PTPRN2: variants seen among roughly 807,000 people sequenced by gnomAD.
PTPRN2 encodes receptor-type tyrosine-protein phosphatase N2.
A neutral mutation model predicts 118.8 loss-of-function variants in PTPRN2; 74 were observed. That is an observed-to-expected ratio of 0.62 (90% CI 0.52 to 0.76). The LOEUF (loss-of-function observed/expected upper bound fraction) is 0.76, where lower values mean the gene tolerates loss of function less well. Ranked by LOEUF, PTPRN2 falls within the 30% of genes least tolerant of loss-of-function variation. The pLI, the probability that PTPRN2 is intolerant of heterozygous loss-of-function variation, is 0.00. For synonymous variants in PTPRN2, 641 were observed against 608.0 expected (o/e 1.05, Z -0.80); for missense variants, 1,481 against 1,394.4 (o/e 1.06, Z -0.99).
intron 12 of PTPRN2, among the ~76,000 whole-genome samples, chr7:157,894,336 G>A (rs528057976): frequency 4.6e-5 from 7 of 151,986 alleles, no homozygotes; most frequent in Non-Finnish European, 1.0e-4. Context: ...ATCCAAGTGT[G>A]TGGAAGCTGA....
intron 9 of PTPRN2, among the ~76,000 whole-genome samples, chr7:158,124,109 C>T (rs1817417178): frequency 6.6e-6 from 1 of 152,246 alleles, no homozygotes. Flanking sequence ...TGTTTTCCGA[C>T]CCACCAAGCC....
At chr7:157,915,034 T>C (rs1408838407) in intron 11 of PTPRN2, among the ~76,000 whole-genome samples, 2 of 152,248 alleles carry the variant, frequency 1.3e-5, no homozygotes, top group South Asian at 2.1e-4. Context: ...ACTATTGATC[T>C]GTAGGTTATA....
intron 9 of PTPRN2, among the ~76,000 whole-genome samples, chr7:158,122,951 A>G (rs1033948282): frequency 6.6e-6 from 1 of 152,134 alleles, no homozygotes; most frequent in Non-Finnish European, 1.5e-5. Flanking sequence ...AAATCAAGCC[A>G]AGAACAGGAC....
In PTPRN2 at chr7:157,603,972, C is replaced by T; in HGVS notation, c.2418+30G>A. ...GCGTCCGTGCCACCCAAGGGAAAGC[C>T]TGGGGCCCCTGTCCCGGCAGTGCAC... On this transcript the variant is annotated intron_variant, in intron 16 of 22. Coordinates refer to ENST00000389418, the MANE Select transcript of PTPRN2 (RefSeq NM_002847.5). The surrounding 1 kb of genome is among the most constrained non-coding windows in gnomAD (Gnocchi z 5.4). 6.2e-7 allele frequency: 1 copy of T among 1,607,562 alleles called. No individual in the cohort carries two copies. The highest frequency in any genetic ancestry group is 8.5e-7 in the Non-Finnish European group (1 of 1,174,594).
intron 1 of PTPRN2, among the ~76,000 whole-genome samples, chr7:158,503,107 G>T (rs1394088944): frequency 6.6e-6 from 1 of 151,288 alleles, no homozygotes; most frequent in Non-Finnish European, 1.5e-5. Flanking sequence ...CAACTACTGT[G>T]TCCATCAGCC....
rs1158812236 is a variant in PTPRN2, at chr7:157,868,706, C to G, written c.1788+29967G>C. ...TCCCTCACCCACCTGCCCACTCGCC[C>G]ATCCACTCAACAGCGGTCGTTCTTC... On this transcript the variant is annotated intron_variant, in intron 12 of 22. Transcript: ENST00000389418. The surrounding 1 kb of genome is among the most constrained non-coding windows in gnomAD (Gnocchi z 5.2). 1.3e-5 allele frequency: 2 copies of G among 152,294 alleles called. No homozygotes were observed. Among genetic ancestry groups the G allele is most frequent in the Non-Finnish European group, 2.9e-5 (2 of 68,122 alleles). 9.4% of individuals were successfully genotyped at this position (152,294 alleles called of 1,614,324 possible).
At chr7:157,588,479 G>A (rs551898684) in intron 17 of PTPRN2, among the ~76,000 whole-genome samples, 2 of 152,164 alleles carry the variant, frequency 1.3e-5, no homozygotes, top group African/African-American at 4.8e-5. Flanking sequence ...TCCTGCCTGC[G>A]GGGGCTTCTC....
rs1312851871 is a variant in PTPRN2, at chr7:157,619,872, C to T, written c.2344+1490G>A. 6.6e-5 allele frequency among the ~76,000 whole-genome samples: 10 copies of T among 152,188 alleles called. No individual in the cohort carries two copies. The highest frequency in any genetic ancestry group is 6.5e-4 in the Admixed American group (10 of 15,286). ...GGGACAGGCGGTGTCTCAGGGACACCAGTCTGATCCCTTGACCGGCTCCGA... is the reference window on the plus strand; with the variant it reads ...GGGACAGGCGGTGTCTCAGGGACACTAGTCTGATCCCTTGACCGGCTCCGA... On this transcript the variant is annotated intron_variant, in intron 15 of 22. Coordinates refer to ENST00000389418, the MANE Select transcript of PTPRN2 (RefSeq NM_002847.5). The surrounding 1 kb of genome is among the most constrained non-coding windows in gnomAD (Gnocchi z 5.3).
intron 12 of PTPRN2, among the ~76,000 whole-genome samples, chr7:157,691,501 T>C (rs745530178): frequency 2.6e-5 from 4 of 152,186 alleles, no homozygotes; most frequent in Non-Finnish European, 5.9e-5. Context: ...CTGCTCACTT[T>C]ACCAGGGTCC....
chr7:157,887,072 T>A (rs1209584451), intron 12 of PTPRN2, among the ~76,000 whole-genome samples: 1 of 147,722 alleles, frequency 6.8e-6, no homozygotes, highest in East Asian at 2.1e-4. Context: ...AGCCCACCCA[T>A]GACAGGCCTG....
intron 21 of PTPRN2, among the ~76,000 whole-genome samples, chr7:157,567,407 G>A (rs1799541953): frequency 6.6e-6 from 1 of 152,236 alleles, no homozygotes; most frequent in South Asian, 2.1e-4. Flanking sequence ...GGCGGTGTTG[G>A]GTAGGTGTGG....
intron 16 of PTPRN2, among the ~76,000 whole-genome samples, chr7:157,597,268 AC>A (rs1801398309): frequency 6.6e-6 from 1 of 152,262 alleles, no homozygotes; most frequent in African/African-American, 2.4e-5. Flanking sequence ...GAAATTCGCC[AC>A]AACACACACA....
intron 2 of PTPRN2, among the ~76,000 whole-genome samples, chr7:158,388,535 C>A (rs975771986): frequency 6.6e-6 from 1 of 152,230 alleles, no homozygotes; most frequent in African/African-American, 2.4e-5. Context: ...GGGTGCAGGG[C>A]ACACGTCACA....
chr7:158,403,975 T>C (rs1813147437), intron 2 of PTPRN2, among the ~76,000 whole-genome samples: 4 of 152,252 alleles, frequency 2.6e-5, no homozygotes, highest in Admixed American at 6.5e-5. Context: ...TAATTACTCA[T>C]GTCCTTACCA....
Position 158,587,796 on chromosome 7 carries a change from G to T in PTPRN2, c.-127C>A. 1.1e-6 allele frequency: 1 copy of T among 927,144 alleles called. No homozygotes were observed. The highest frequency in any genetic ancestry group is 4.8e-5 in the South Asian group (1 of 20,838). The allele number at this position is 927,144 out of a possible 1,614,324, so 57.4% of individuals were successfully genotyped here. A position where few individuals can be genotyped will look rare whatever the true frequency, so the allele number is the denominator to read the frequency against. ...GCCGCGCCTCTCGCGCTCTTGCGGC[G>T]ACGCCGGGCCGAGCTTCAGCACCGG... is the stretch of plus-strand genomic sequence containing the variant. On this transcript the variant is annotated 5_prime_UTR_variant, in exon 1 of 23. Transcript: ENST00000389418.
chr7:158,126,607 C>T lies in PTPRN2; in HGVS notation c.1556+7070G>A, dbSNP rs59050444. On this transcript the variant is annotated intron_variant, in intron 9 of 22. Coordinates refer to ENST00000389418, the MANE Select transcript of PTPRN2 (RefSeq NM_002847.5). ...ACAGCGGGCGGCGGAACTTCCTCTC[C>T]GCCACACCAGCCCCCGGAGAGCGGG... Among the ~76,000 whole-genome samples, 758 of 89,638 alleles carry T rather than the reference C, an allele frequency of 8.5e-3. 26 individuals carry two copies. The highest frequency in any genetic ancestry group is 0.04 in the African/African-American group (693 of 17,458). 58.8% of individuals were successfully genotyped at this position (89,638 alleles called of 152,430 possible). A position where few individuals can be genotyped will look rare whatever the true frequency, so the allele number is the denominator to read the frequency against.
chr7:157,826,548 C>T (rs543014832), intron 12 of PTPRN2, among the ~76,000 whole-genome samples: 6 of 143,576 alleles, frequency 4.2e-5, no homozygotes, highest in Non-Finnish European at 7.5e-5. Context: ...CATTTCCACG[C>T]GTGCTGTGCA....
chr7:157,708,842 G>A (rs1255499410), intron 12 of PTPRN2, among the ~76,000 whole-genome samples: 3 of 152,170 alleles, frequency 2.0e-5, no homozygotes, highest in African/African-American at 7.2e-5. Flanking sequence ...AACATGAGAT[G>A]GTCATAGTCA....
At chr7:158,333,899 C>A (rs62480911) in intron 2 of PTPRN2, among the ~76,000 whole-genome samples, 26,321 of 117,860 alleles carry the variant, frequency 0.22, 55 homozygotes, top group Middle Eastern at 0.29. Flanking sequence ...AGAGCTGACA[C>A]CCGCAGACGT....
Sources: gnomAD v4.1 joint callset for allele counts (sites outside exome capture counted in the v4.1 genomes callset) on GRCh38, gnomAD v4.1.1 for gene constraint, Gnocchi (gnomAD v3.1) non-coding constraint, MANE v1.5 for transcripts, NCBI Gene and HGNC (gene_info 2026-07-23, HGNC 2026-07-21) for gene names.